The following APBB1IP variants were observed in gnomAD, a reference collection of about 807,000 sequenced individuals.
APBB1IP encodes the protein amyloid beta A4 precursor protein-binding family B member 1-interacting protein.
Under a neutral mutation model 64.9 loss-of-function variants are expected in APBB1IP, and 27 were observed. The observed-to-expected ratio is 0.42, with a 90% confidence interval of 0.31 to 0.57. APBB1IP has a LOEUF of 0.57. APBB1IP is among the 20% of genes least tolerant of loss of function. APBB1IP has a pLI of 0.20. For synonymous variants in APBB1IP, 392 were observed against 331.0 expected (o/e 1.18, Z -2.00); for missense variants, 812 against 845.5 (o/e 0.96, Z 0.49).
In APBB1IP at chr10:26,489,267, G is replaced by A. The variant is rs150565451; in HGVS notation, c.1-3060G>A. On this transcript the variant is annotated intron_variant, in intron 2 of 14. Coordinates refer to ENST00000376236, the MANE Select transcript of APBB1IP (RefSeq NM_019043.4). ...CTCAAGAGGGAGTGACTAGAAGGACGGCAAAAGAAAAGTCACTGCAGGGAG... is the reference window on the plus strand; with the variant it reads ...CTCAAGAGGGAGTGACTAGAAGGACAGCAAAAGAAAAGTCACTGCAGGGAG... 3.0e-3 allele frequency among the ~76,000 whole-genome samples: 463 copies of A among 152,292 alleles called. 3 individuals are homozygous for A. Among genetic ancestry groups the A allele is most frequent in the African/African-American group, 9.7e-3 (404 of 41,540 alleles).
rs755441917 is a variant in APBB1IP, at chr10:26,567,570, T to C, written c.*82T>C. 3 of 1,476,052 alleles carry C rather than the reference T, an allele frequency of 2.0e-6. No individual in the cohort carries two copies. Among genetic ancestry groups the C allele is most frequent in the African/African-American group, 2.8e-5 (2 of 70,492 alleles). The allele number at this position is 1,476,052 out of a possible 1,614,324, so 91.4% of individuals were successfully genotyped here. On this transcript the variant is annotated 3_prime_UTR_variant, in exon 15 of 15. Coordinates refer to ENST00000376236, the MANE Select transcript of APBB1IP (RefSeq NM_019043.4). ...TTTGCTAGCAGATTGCCCTGACATCTTGTTCATTTCAGATAAAATGTGATG... is the reference window on the plus strand; with the variant it reads ...TTTGCTAGCAGATTGCCCTGACATCCTGTTCATTTCAGATAAAATGTGATG...
chr10:26,528,558 C>G (rs554325070), intron 8 of APBB1IP, among the ~76,000 whole-genome samples: 1 of 152,232 alleles, frequency 6.6e-6, no homozygotes, highest in East Asian at 1.9e-4. Context: ...TATATCTTCC[C>G]CATTGACAGA....
At chr10:26,444,880 A>T (rs946101821) in intron 2 of APBB1IP, among the ~76,000 whole-genome samples, 6 of 152,086 alleles carry the variant, frequency 3.9e-5, no homozygotes, top group African/African-American at 1.4e-4. Context: ...TGGGTGGATC[A>T]TGAGGTCAAG....
chr10:26,534,109 T>C (rs1005039785), intron 9 of APBB1IP, among the ~76,000 whole-genome samples: 1 of 151,978 alleles, frequency 6.6e-6, no homozygotes, highest in Non-Finnish European at 1.5e-5. Flanking sequence ...AGAAGTTCAT[T>C]TGACAATTGA....
Position 26,450,798 on chromosome 10 carries a change from C to T in APBB1IP, c.-1+11945C>T, listed in dbSNP as rs140801590. Among the ~76,000 whole-genome samples the T allele has an allele frequency of 2.7e-3, 409 of 151,154 alleles. 4 individuals carry two copies. The highest frequency in any genetic ancestry group is 2.9e-3 in the Non-Finnish European group (200 of 67,874). Reference sequence around the variant, plus strand: ...GCAACCTCTGCCTCCTGGGTTCAAGCGATTCTCATGCCTCAGCCTCCCAAG... The same window carrying T: ...GCAACCTCTGCCTCCTGGGTTCAAGTGATTCTCATGCCTCAGCCTCCCAAG... On this transcript the variant is annotated intron_variant, in intron 2 of 14. Coordinates refer to ENST00000376236, the MANE Select transcript of APBB1IP (RefSeq NM_019043.4).
intron 2 of APBB1IP, among the ~76,000 whole-genome samples, chr10:26,471,887 G>A (rs1305556478): frequency 6.6e-6 from 1 of 152,112 alleles, no homozygotes; most frequent in African/African-American, 2.4e-5. Flanking sequence ...GTTTCACCAT[G>A]TTGGCCAAGA....
chr10:26,498,138 C>T (rs1836050941), intron 4 of APBB1IP, among the ~76,000 whole-genome samples: 1 of 152,172 alleles, frequency 6.6e-6, no homozygotes, highest in Non-Finnish European at 1.5e-5. Context: ...CTTTTTCCTA[C>T]ACTTTTTTTA....
intron 2 of APBB1IP, among the ~76,000 whole-genome samples, chr10:26,472,983 A>T (rs149128690): frequency 1.4e-4 from 21 of 152,278 alleles, no homozygotes; most frequent in Non-Finnish European, 2.2e-4. Context: ...ACAGTTATTC[A>T]TAGAGGTACA....
intron 8 of APBB1IP, among the ~76,000 whole-genome samples, chr10:26,527,698 T>C (rs2132458542): frequency 7.0e-6 from 1 of 142,822 alleles, no homozygotes; most frequent in African/African-American, 2.6e-5. Context: ...TTTTTTTTTT[T>C]TTTTTTTTTT....
Position 26,442,450 on chromosome 10 carries a change from G to C in APBB1IP, c.-1+3597G>C, listed in dbSNP as rs570720490. On this transcript the variant is annotated intron_variant, in intron 2 of 14. Coordinates refer to ENST00000376236, the MANE Select transcript of APBB1IP (RefSeq NM_019043.4). Reference sequence around the variant, plus strand: ...TTCTGTTGGGGATCTTTTTGATTTAGTTTCATGTTACAGACTCATCAGTGA... The same window carrying C: ...TTCTGTTGGGGATCTTTTTGATTTACTTTCATGTTACAGACTCATCAGTGA... Among the ~76,000 whole-genome samples, 9 of 152,236 alleles carry C rather than the reference G, an allele frequency of 5.9e-5. No homozygotes were observed. In the East Asian group the frequency reaches 1.7e-3, roughly 29 times the overall value.
chr10:26,551,220 C>T (rs567687654), intron 11 of APBB1IP, among the ~76,000 whole-genome samples: 2 of 152,198 alleles, frequency 1.3e-5, no homozygotes, highest in African/African-American at 2.4e-5. Context: ...GCTGGCCTCA[C>T]GTGTTTCAGC....
intron 2 of APBB1IP, among the ~76,000 whole-genome samples, chr10:26,456,065 A>G (rs903930763): frequency 2.0e-5 from 3 of 152,242 alleles, no homozygotes; most frequent in African/African-American, 7.2e-5. Flanking sequence ...TATAGAGAGG[A>G]AGTAGAATAA....
chr10:26,524,370 C>T (rs935601591), intron 8 of APBB1IP, among the ~76,000 whole-genome samples: 17 of 151,730 alleles, frequency 1.1e-4, no homozygotes, highest in African/African-American at 2.2e-4. Flanking sequence ...CATGTTTCTC[C>T]GTAATTACCC....
At chr10:26,512,104 A>T (rs1420067636) in intron 7 of APBB1IP, among the ~76,000 whole-genome samples, 198 bp downstream of exon 7, 4 of 152,200 alleles carry the variant, frequency 2.6e-5, no homozygotes, top group Non-Finnish European at 5.9e-5. Context: ...TGCTGTGATT[A>T]CAGGTGTGAG....
rs1427890740 is a variant in APBB1IP at position 26,438,643 on chromosome 10, T to G, written c.-202-9T>G. 1 of 152,146 alleles carries G rather than the reference T, an allele frequency of 6.6e-6. No homozygotes were observed. The highest frequency in any genetic ancestry group is 2.4e-5 in the African/African-American group (1 of 41,420). The allele number at this position is 152,146 out of a possible 1,614,324, so 9.4% of individuals were successfully genotyped here. Reference sequence around the variant, plus strand: ...GCATATGTTTGTCTGTCCCACTGTCTCTAACCAGGGGCCTTCCTTGCACCT... The same window carrying G: ...GCATATGTTTGTCTGTCCCACTGTCGCTAACCAGGGGCCTTCCTTGCACCT... On this transcript the variant is annotated splice_polypyrimidine_tract_variant and intron_variant, in intron 1 of 14. Coordinates refer to ENST00000376236, the MANE Select transcript of APBB1IP (RefSeq NM_019043.4).
intron 4 of APBB1IP, among the ~76,000 whole-genome samples, chr10:26,496,692 G>A (rs1836029298): frequency 6.6e-6 from 1 of 151,736 alleles, no homozygotes; most frequent in Admixed American, 6.6e-5. Flanking sequence ...GTAACAAGGG[G>A]TAGTATACAA....
rs1293032794 is a variant in APBB1IP at position 26,491,707 on chromosome 10, G to A, written c.1-620G>A. On this transcript the variant is annotated intron_variant, in intron 2 of 14. Coordinates refer to ENST00000376236, the MANE Select transcript of APBB1IP (RefSeq NM_019043.4). ...TTTCAGAAATATCTTTTGAAAGCAG[G>A]GAATTATTGGGTAAATATGCTTAAT... Among the ~76,000 whole-genome samples the A allele has an allele frequency of 6.1e-5, 9 of 146,960 alleles. 1 individual carries two copies. In the Admixed American group the frequency reaches 6.3e-4, roughly 10 times the overall value.
chr10:26,460,952 T>G (rs1835582271), intron 2 of APBB1IP, among the ~76,000 whole-genome samples: 1 of 152,196 alleles, frequency 6.6e-6, no homozygotes, highest in Non-Finnish European at 1.5e-5. Context: ...CACTTCATGT[T>G]GCTAATTTCC....
At chr10:26,497,851 C>A (rs919078994) in intron 4 of APBB1IP, among the ~76,000 whole-genome samples, 1 of 151,446 alleles carries the variant, frequency 6.6e-6, no homozygotes, top group African/African-American at 2.4e-5. Context: ...CTCAGCCTCC[C>A]GAGTAGCTGG....
Sources: gnomAD v4.1 joint callset for allele counts (sites outside exome capture counted in the v4.1 genomes callset) on GRCh38, gnomAD v4.1.1 for gene constraint, MANE v1.5 for transcripts, NCBI Gene and HGNC (gene_info 2026-07-23, HGNC 2026-07-21) for gene names.